The following VPS13B variants were observed in gnomAD, a reference collection of about 807,000 sequenced individuals.
The protein encoded by VPS13B is intermembrane lipid transfer protein VPS13B.
Under a neutral mutation model 426.4 loss-of-function variants are expected in VPS13B, and 285 were observed. The ratio of observed to expected loss-of-function variants is 0.67; its 90% confidence interval spans 0.61 to 0.74. VPS13B has a LOEUF of 0.74. Among genes scored for constraint, VPS13B ranks in the 30% least tolerant of loss-of-function variants. VPS13B has a pLI of 0.00. For synonymous variants in VPS13B, 1,676 were observed against 1,676.4 expected (o/e 1.00, Z 0.01); for missense variants, 4,537 against 4,782.6 (o/e 0.95, Z 1.51).
intron 43 of VPS13B, among the ~76,000 whole-genome samples, chr8:99,808,425 A>G (rs1209031701): frequency 6.6e-6 from 1 of 151,200 alleles, no homozygotes; most frequent in African/African-American, 2.4e-5. Flanking sequence ...CTGAGGCAAG[A>G]GAATCGCTTG....
chr8:99,103,147 A>T (rs1434065972), intron 5 of VPS13B, 27 bp downstream of exon 5: 1 of 1,611,734 alleles, frequency 6.2e-7, no homozygotes. Context: ...AATACCGTAT[A>T]TTTTTCCATA....
chr8:99,757,937 T>A (rs1266027621), intron 39 of VPS13B, among the ~76,000 whole-genome samples: 4 of 152,232 alleles, frequency 2.6e-5, no homozygotes, highest in Admixed American at 2.6e-4. Flanking sequence ...TGGAATGTTT[T>A]CCAGTGAAAC....
chr8:99,706,727 C>T (rs944472288), intron 36 of VPS13B, among the ~76,000 whole-genome samples: 1 of 152,084 alleles, frequency 6.6e-6, no homozygotes, highest in African/African-American at 2.4e-5. Context: ...TAATTAAGTA[C>T]TAGAGACTTT....
At chr8:99,301,287 TTTTC>T (rs1362056273) in intron 19 of VPS13B, among the ~76,000 whole-genome samples, 3 of 151,600 alleles carry the variant, frequency 2.0e-5, no homozygotes, top group Non-Finnish European at 2.9e-5. Flanking sequence ...TCCCATCTTG[TTTTC>T]TTTCTTTCTT....
chr8:99,532,845 A>G (rs974983677), intron 30 of VPS13B, among the ~76,000 whole-genome samples: 1 of 151,178 alleles, frequency 6.6e-6, no homozygotes, highest in African/African-American at 2.4e-5. Context: ...CTTCAGCAGA[A>G]ATTTACTGTT....
intron 35 of VPS13B, chr8:99,697,489 G>A: frequency 1.4e-6 from 1 of 740,166 alleles, no homozygotes; most frequent in Non-Finnish European, 2.5e-6. Context: ...CTAAGCTGAA[G>A]GAGCAGAAGT....
intron 13 of VPS13B, among the ~76,000 whole-genome samples, chr8:99,143,505 C>T (rs570596056): frequency 6.6e-6 from 1 of 151,766 alleles, no homozygotes; most frequent in Non-Finnish European, 1.5e-5. Context: ...GGGCTCTAAA[C>T]ACACAAATTT....
chr8:99,476,918 T>C (rs6999918), intron 24 of VPS13B, among the ~76,000 whole-genome samples: 2,568 of 152,296 alleles, frequency 0.017, 65 homozygotes, highest in African/African-American at 0.059. Flanking sequence ...ATTGACAGTT[T>C]ACATTAATTT....
chr8:99,590,374 GTA>G (rs758704488), intron 33 of VPS13B, among the ~76,000 whole-genome samples: 1 of 151,882 alleles, frequency 6.6e-6, no homozygotes, highest in Non-Finnish European at 1.5e-5. Context: ...TTGCCTTCTG[GTA>G]GCTTTTGAAT....
intron 47 of VPS13B, 91 bp downstream of exon 47, chr8:99,818,979 G>GGGGGGGGGGT: frequency 1.2e-6 from 1 of 839,428 alleles, no homozygotes; most frequent in South Asian, 1.5e-5. Flanking sequence ...CGGGGGAGGG[G>GGGGGGGGGGT]TGGGTAGGGA....
At chr8:99,737,643 C>T (rs946127466) in intron 39 of VPS13B, among the ~76,000 whole-genome samples, 2 of 152,144 alleles carry the variant, frequency 1.3e-5, no homozygotes, top group African/African-American at 4.8e-5. Context: ...AAACCAAAAG[C>T]GTGTATCAGA....
chr8:99,613,008 C>CCAGAAATA (rs1827909091), intron 33 of VPS13B, among the ~76,000 whole-genome samples: 1 of 152,144 alleles, frequency 6.6e-6, no homozygotes, highest in Non-Finnish European at 1.5e-5. Flanking sequence ...CTGGATTCCT[C>CCAGAAATA]CAGTTTCTAT....
At chr8:99,454,434 C>T (rs1042241770) in intron 23 of VPS13B, among the ~76,000 whole-genome samples, 8 of 152,120 alleles carry the variant, frequency 5.3e-5, no homozygotes, top group African/African-American at 1.9e-4. Context: ...CCTCCTAAAA[C>T]ACTGGGATTA....
At chr8:99,225,736 AT>A (rs947326558) in intron 17 of VPS13B, among the ~76,000 whole-genome samples, 1 of 152,104 alleles carries the variant, frequency 6.6e-6, no homozygotes, top group African/African-American at 2.4e-5. Flanking sequence ...TTGTAATAAT[AT>A]CTTTCCAAGT....
chr8:99,402,596 GA>G lies in VPS13B; in HGVS notation c.3082+10895del, dbSNP rs1341169145. On this transcript the variant is annotated intron_variant, in intron 21 of 61. Transcript: ENST00000357162. ...ATCCCAAGGAGCCAATTTAAACTAAGAAAGGTATTGGCTGAGATAGTGAAAG... is the reference window on the plus strand; with the variant it reads ...ATCCCAAGGAGCCAATTTAAACTAAGAAGGTATTGGCTGAGATAGTGAAAG... 2.6e-5 allele frequency among the ~76,000 whole-genome samples: 4 copies of G among 152,016 alleles called. No individual in the cohort carries two copies. The East Asian group carries it at 7.7e-4, about 29-fold the overall frequency.
chr8:99,189,063 C>A (rs1813394093), intron 16 of VPS13B, among the ~76,000 whole-genome samples: 1 of 152,146 alleles, frequency 6.6e-6, no homozygotes, highest in Admixed American at 6.5e-5. Flanking sequence ...CCACGCCCGG[C>A]TAATTTTTTG....
intron 19 of VPS13B, among the ~76,000 whole-genome samples, chr8:99,319,599 T>A (rs1260708919): frequency 1.3e-5 from 2 of 152,162 alleles, no homozygotes; most frequent in African/African-American, 4.8e-5. Context: ...GTCAGTACTG[T>A]CTCCTAATCA....
At chr8:99,410,647 G>T (rs1319723486) in intron 21 of VPS13B, among the ~76,000 whole-genome samples, 1 of 151,720 alleles carries the variant, frequency 6.6e-6, no homozygotes, top group Admixed American at 6.6e-5. Context: ...ACGTGCCATG[G>T]TGGTTTGCTG....
rs1226475313 is a variant in VPS13B, at chr8:99,764,408, TC to T, written c.7051-2365del. Among the ~76,000 whole-genome samples, 371 of 148,964 alleles carry T rather than the reference TC, an allele frequency of 2.5e-3. 3 individuals carry two copies. The highest frequency in any genetic ancestry group is 8.7e-3 in the African/African-American group (350 of 40,044). On this transcript the variant is annotated intron_variant, in intron 39 of 61. Transcript: ENST00000357162. ...TTTTTGTGTTAATATAGAGAGAGAT[TC>T]TTTTTTTTTTTTTTTTTTTTTTGAG...
Sources: gnomAD v4.1 joint callset for allele counts (sites outside exome capture counted in the v4.1 genomes callset) on GRCh38, gnomAD v4.1.1 for gene constraint, MANE v1.5 for transcripts, NCBI Gene and HGNC (gene_info 2026-07-23, HGNC 2026-07-21) for gene names.